GRIK2: variants seen among roughly 807,000 people sequenced by gnomAD.
The protein encoded by GRIK2 is glutamate receptor ionotropic, kainate 2.
Under a neutral mutation model 100.3 loss-of-function variants are expected in GRIK2, and 32 were observed. That is an observed-to-expected ratio of 0.32 (90% CI 0.24 to 0.43). The LOEUF (loss-of-function observed/expected upper bound fraction) is 0.43, where lower values mean the gene tolerates loss of function less well. Among genes scored for constraint, GRIK2 ranks in the 20% least tolerant of loss-of-function variants. The probability of loss-of-function intolerance (pLI) is 1.00; values close to 1 mark genes in which losing one functional copy is unlikely to be tolerated. For missense variants in GRIK2, 843 were observed against 1,114.9 expected (o/e 0.76, Z 3.47); for synonymous variants, 417 against 389.4 (o/e 1.07, Z -0.83).
chr6:101,806,577 A>G lies in GRIK2; in HGVS notation c.1203+4139A>G, dbSNP rs76430198. Among the ~76,000 whole-genome samples the G allele has an allele frequency of 2.5e-4, 38 of 150,876 alleles. No individual in the cohort carries two copies. The East Asian group carries it at 7.0e-3, about 28-fold the overall frequency. On this transcript the variant is annotated intron_variant, in intron 9 of 16. Transcript: ENST00000369134. ...AAATCCAAAGCACCAGTGACCTCTC[A>G]TCATGTCATCATGTTCTCAGATATT...
chr6:102,031,139 T>C (rs1464840987), intron 14 of GRIK2, among the ~76,000 whole-genome samples: 1 of 147,668 alleles, frequency 6.8e-6, no homozygotes, highest in African/African-American at 2.5e-5. Flanking sequence ...CCCCTTTGAG[T>C]TTCTGGATGT....
At chr6:101,977,405 C>T (rs1793456592) in intron 14 of GRIK2, among the ~76,000 whole-genome samples, 1 of 151,748 alleles carries the variant, frequency 6.6e-6, no homozygotes, top group Non-Finnish European at 1.5e-5. Context: ...TGCCTTCAGA[C>T]AGCAATTCAG....
intron 15 of GRIK2, among the ~76,000 whole-genome samples, chr6:102,042,996 A>T (rs1205536334): frequency 6.6e-6 from 1 of 151,684 alleles, no homozygotes; most frequent in Non-Finnish European, 1.5e-5. Context: ...TATTAATAAA[A>T]GGCAACTGTC....
chr6:101,804,154 T>C (rs17062492), intron 9 of GRIK2, among the ~76,000 whole-genome samples: 5,526 of 151,958 alleles, frequency 0.036, 181 homozygotes, highest in South Asian at 0.14. Context: ...TCATAGTCAA[T>C]TGAGTACTTA....
intron 10 of GRIK2, among the ~76,000 whole-genome samples, chr6:101,855,264 C>A (rs1024407814): frequency 2.4e-4 from 36 of 152,070 alleles, no homozygotes; most frequent in Non-Finnish European, 4.7e-4. Flanking sequence ...AATTAATGAA[C>A]ATAATCTCTA....
chr6:101,741,524 A>C (rs1428645300), intron 7 of GRIK2, among the ~76,000 whole-genome samples: 1 of 152,176 alleles, frequency 6.6e-6, no homozygotes, highest in Non-Finnish European at 1.5e-5. Context: ...CCTCAAAATT[A>C]ACATTTTATA....
chr6:101,993,841 G>A (rs1794505719), intron 14 of GRIK2: 1 of 146,598 alleles, frequency 6.8e-6, no homozygotes, highest in African/African-American at 2.5e-5. Flanking sequence ...TGTTCTACTA[G>A]CAAATAATGT....
At chr6:101,971,093 A>G (rs996881038) in intron 14 of GRIK2, among the ~76,000 whole-genome samples, 1 of 150,818 alleles carries the variant, frequency 6.6e-6, no homozygotes. Context: ...TTTTAGAAAA[A>G]GTTGTGAATT....
At chr6:101,510,591 C>T (rs1208502535) in intron 2 of GRIK2, among the ~76,000 whole-genome samples, 4 of 131,908 alleles carry the variant, frequency 3.0e-5, no homozygotes, top group Non-Finnish European at 4.6e-5. Flanking sequence ...GGCATGATCT[C>T]GGCTCAATGC....
chr6:101,854,449 G>A (rs1277340865), intron 10 of GRIK2, among the ~76,000 whole-genome samples: 1 of 151,930 alleles, frequency 6.6e-6, no homozygotes, highest in East Asian at 1.9e-4. Context: ...TAGTAGAGAT[G>A]GAGTTTCACC....
intron 2 of GRIK2, among the ~76,000 whole-genome samples, chr6:101,576,497 A>G (rs886520836): frequency 6.6e-6 from 1 of 151,996 alleles, no homozygotes; most frequent in Non-Finnish European, 1.5e-5. Flanking sequence ...GGAAATTACT[A>G]TTTATATTAT....
At chr6:101,640,623 C>T (rs1390783384) in intron 4 of GRIK2, among the ~76,000 whole-genome samples, 1 of 152,032 alleles carries the variant, frequency 6.6e-6, no homozygotes, top group Admixed American at 6.6e-5. Context: ...ATAGTATAAC[C>T]CAGTCAAGTT....
chr6:101,779,379 A>G (rs930579023), intron 7 of GRIK2, among the ~76,000 whole-genome samples: 6 of 152,204 alleles, frequency 3.9e-5, no homozygotes, highest in African/African-American at 1.4e-4. Flanking sequence ...AAGGTTAATG[A>G]ATATTTAAAT....
At chr6:102,022,900 T>G (rs996109784) in intron 14 of GRIK2, among the ~76,000 whole-genome samples, 1 of 151,484 alleles carries the variant, frequency 6.6e-6, no homozygotes, top group Non-Finnish European at 1.5e-5. Context: ...GTAACAGAGC[T>G]TTATAAGTGA....
intron 2 of GRIK2, among the ~76,000 whole-genome samples, chr6:101,557,797 A>G (rs1776817899): frequency 6.6e-6 from 1 of 152,190 alleles, no homozygotes; most frequent in African/African-American, 2.4e-5. Context: ...CTACCTGTTC[A>G]TTTAGCACCA....
chr6:101,703,595 T>G (rs1773046652), intron 7 of GRIK2, among the ~76,000 whole-genome samples: 1 of 151,766 alleles, frequency 6.6e-6, no homozygotes, highest in Admixed American at 6.6e-5. Flanking sequence ...AACTAGTTAT[T>G]TCAATGGGGT....
intron 14 of GRIK2, among the ~76,000 whole-genome samples, chr6:101,979,134 A>T (rs1270785125): frequency 1.3e-5 from 2 of 152,042 alleles, no homozygotes; most frequent in Non-Finnish European, 2.9e-5. Context: ...GATAGCAAAC[A>T]AAGGGTAAGA....
rs186129929 is a variant in GRIK2 at position 102,069,382 on chromosome 6, T to C, written c.*871T>C. 7 of 150,942 alleles carry C rather than the reference T, an allele frequency of 4.6e-5. No individual in the cohort carries two copies. The highest frequency in any genetic ancestry group is 7.4e-5 in the Non-Finnish European group (5 of 67,690). The allele number at this position is 150,942 out of a possible 1,614,324, so 9.4% of individuals were successfully genotyped here. On this transcript the variant is annotated 3_prime_UTR_variant, in exon 17 of 17. Coordinates refer to ENST00000369134, the MANE Select transcript of GRIK2 (RefSeq NM_021956.5). ...ATTCTGAATTAAAAGGATAATGTTT[T>C]GCAATGTTCAAGTTGTAAAAACTGG...
intron 7 of GRIK2, among the ~76,000 whole-genome samples, chr6:101,735,892 CT>C (rs2128374174): frequency 6.6e-6 from 1 of 152,288 alleles, no homozygotes; most frequent in South Asian, 2.1e-4. Context: ...AAGGCAAGTT[CT>C]TTAGGCCTAT....
Sources: gnomAD v4.1 joint callset for allele counts (sites outside exome capture counted in the v4.1 genomes callset) on GRCh38, gnomAD v4.1.1 for gene constraint, MANE v1.5 for transcripts, NCBI Gene and HGNC (gene_info 2026-07-23, HGNC 2026-07-21) for gene names.